RBM39: variants seen among roughly 807,000 people sequenced by gnomAD.
RBM39 encodes the protein RNA binding motif protein 39.
RBM39 carries 12 observed loss-of-function variants against 79.6 expected under a neutral mutation model. That is an observed-to-expected ratio of 0.15 (90% confidence interval 0.10 to 0.24). The LOEUF (loss-of-function observed/expected upper bound fraction) is 0.24. Ranked by LOEUF, RBM39 falls within the 10% of genes least tolerant of loss-of-function variation. RBM39 has a pLI of 1.00. For synonymous variants in RBM39, 185 were observed against 208.4 expected (o/e 0.89, Z 0.97); for missense variants, 243 against 653.4 (o/e 0.37, Z 6.85).
Position 35,703,810 on chromosome 20 carries a change from T to C in RBM39, c.*671A>G, listed in dbSNP as rs1209270677. 6.6e-6 allele frequency: 1 copy of C among 152,458 alleles called. No homozygotes were observed. Among genetic ancestry groups the C allele is most frequent in the African/African-American group, 2.4e-5 (1 of 41,460 alleles). 9.4% of individuals were successfully genotyped at this position (152,458 alleles called of 1,614,324 possible). ...ACCTATTTCTGCATTTCCTATTTCT[T>C]TCTCAGACTGCTTTGCCTACCAGAC... On this transcript the variant is annotated 3_prime_UTR_variant, in exon 17 of 17. Transcript: ENST00000253363.
At chr20:35,715,455 C>T (rs548908222) in intron 10 of RBM39, among the ~76,000 whole-genome samples, 13 of 152,066 alleles carry the variant, frequency 8.5e-5, no homozygotes, top group African/African-American at 2.4e-4. Context: ...GCATCACAGG[C>T]GTGAGCCACC....
At chr20:35,736,001 A>G (rs2039866118) in intron 3 of RBM39, among the ~76,000 whole-genome samples, 1 of 152,212 alleles carries the variant, frequency 6.6e-6, no homozygotes, top group Non-Finnish European at 1.5e-5. Context: ...AGATGACCTT[A>G]GTGGCAAAAA....
In RBM39 at chr20:35,721,817, T is replaced by A; in HGVS notation, c.748A>T (p.Met250Leu). Residue 250 changes from methionine to leucine, a missense_variant, in exon 9 of 17, where the codon ATG becomes TTG. By Grantham distance (15) the Met-to-Leu change is conservative (BLOSUM62 2). Coordinates refer to ENST00000253363, the MANE Select transcript of RBM39 (RefSeq NM_184234.3). The stretch of plus-strand genomic sequence containing the variant: ...TGTAATGAGCCCACATAAAGCCTCA[T>A]AGGTCCAGCACTTCCCTTTTGTAAA... ...NNLQKGSAGP[M>L]RLYVGSLHFN... 6.2e-7 allele frequency: 1 copy of A among 1,614,098 alleles called. No individual in the cohort carries two copies. Among genetic ancestry groups the A allele is most frequent in the Non-Finnish European group, 8.5e-7 (1 of 1,179,948 alleles).
At chr20:35,724,430 G>GT (rs2038396109) in intron 8 of RBM39, 140 bp downstream of exon 8, 5 of 691,734 alleles carry the variant, frequency 7.2e-6, no homozygotes, top group Middle Eastern at 4.5e-4. Flanking sequence ...TAAACGCAAA[G>GT]TTAAAAAAAA....
Position 35,702,695 on chromosome 20 carries a change from G to T in RBM39, c.*1786C>A, listed in dbSNP as rs2035341181. On this transcript the variant is annotated 3_prime_UTR_variant, in exon 17 of 17. Transcript: ENST00000253363. Reference sequence around the variant, plus strand: ...TCATGCCTGTAATCCCGGCACTTTGGGAGGCCAAGGCGGACAGATCACTTG... The same window carrying T: ...TCATGCCTGTAATCCCGGCACTTTGTGAGGCCAAGGCGGACAGATCACTTG... 1 of 152,298 alleles carries T rather than the reference G, an allele frequency of 6.6e-6. No individual in the cohort carries two copies. Among genetic ancestry groups the T allele is most frequent in the Admixed American group, 6.5e-5 (1 of 15,286 alleles). The allele number at this position is 152,298 out of a possible 1,614,324, so 9.4% of individuals were successfully genotyped here.
intron 3 of RBM39, chr20:35,735,170 T>G: frequency 7.3e-7 from 1 of 1,370,814 alleles, no homozygotes; most frequent in Non-Finnish European, 9.5e-7. Flanking sequence ...TTCAACTGTG[T>G]CATTTTAATG....
intron 3 of RBM39, chr20:35,735,162 C>G (rs1600627269): frequency 5.1e-6 from 7 of 1,381,352 alleles, no homozygotes; most frequent in Non-Finnish European, 5.6e-6. Flanking sequence ...CAATATATTT[C>G]AACTGTGTCA....
chr20:35,731,016 C>G (rs1294930540), intron 4 of RBM39, among the ~76,000 whole-genome samples: 1 of 152,142 alleles, frequency 6.6e-6, no homozygotes, highest in Non-Finnish European at 1.5e-5. Flanking sequence ...ATTCATTACT[C>G]ATTAATAGCT....
intron 10 of RBM39, 46 bp downstream of exon 10, chr20:35,716,694 T>TA (rs79003465): frequency 0.14 from 117,653 of 868,116 alleles, 60 homozygotes; most frequent in Non-Finnish European, 0.15. Context: ...AAATGTAGTT[T>TA]AAAAAAAAAA....
At chr20:35,704,821 G>T in intron 15 of RBM39, 75 bp from the exon 16 acceptor site, 1 of 1,341,156 alleles carries the variant, frequency 7.5e-7, no homozygotes. Context: ...TATTCAAGTT[G>T]CCTGTAGAAA....
rs2035365380 is a variant in RBM39, at chr20:35,703,187, A to T, written c.*1294T>A. 1 of 152,236 alleles carries T rather than the reference A, an allele frequency of 6.6e-6. No homozygotes were observed. The highest frequency in any genetic ancestry group is 2.1e-4 in the South Asian group (1 of 4,830). The allele number at this position is 152,236 out of a possible 1,614,324, so 9.4% of individuals were successfully genotyped here. A position where few individuals can be genotyped will look rare whatever the true frequency, so the allele number is the denominator to read the frequency against. On this transcript the variant is annotated 3_prime_UTR_variant, in exon 17 of 17. Transcript: ENST00000253363. ...AATGGTGACAGCTTGCTTCCCAACT[A>T]GTATGAAAGCTCAAAACCCCTTAAT...
At chr20:35,720,288 C>A (rs533750881) in intron 9 of RBM39, among the ~76,000 whole-genome samples, 1 of 152,252 alleles carries the variant, frequency 6.6e-6, no homozygotes, top group African/African-American at 2.4e-5. Flanking sequence ...GAACAAAAGC[C>A]AAGCTGCTCT....
At chr20:35,723,525 G>GCCT (rs1372455035) in intron 8 of RBM39, among the ~76,000 whole-genome samples, 3 of 152,246 alleles carry the variant, frequency 2.0e-5, no homozygotes, top group African/African-American at 7.2e-5. Context: ...TGCAACCTCT[G>GCCT]CCTCCTGGGT....
intron 6 of RBM39, among the ~76,000 whole-genome samples, chr20:35,728,378 T>C (rs2038992670): frequency 6.6e-6 from 1 of 152,240 alleles, no homozygotes; most frequent in Non-Finnish European, 1.5e-5. Flanking sequence ...TGTATACATG[T>C]ATCAAAACGT....
intron 13 of RBM39, chr20:35,707,941 G>A (rs927964535): frequency 8.6e-6 from 4 of 463,222 alleles, no homozygotes; most frequent in African/African-American, 4.0e-5. Flanking sequence ...AGAACTCACC[G>A]TAATCATATT....
rs1336995073 is a variant in RBM39, at chr20:35,703,141, AGTT to A, written c.*1337_*1339del. The A allele has an allele frequency of 6.6e-6, 1 of 152,218 alleles. No individual in the cohort carries two copies. Among genetic ancestry groups the A allele is most frequent in the African/African-American group, 2.4e-5 (1 of 41,466 alleles). The allele number at this position is 152,218 out of a possible 1,614,324, so 9.4% of individuals were successfully genotyped here. A position where few individuals can be genotyped will look rare whatever the true frequency, so the allele number is the denominator to read the frequency against. On this transcript the variant is annotated 3_prime_UTR_variant, in exon 17 of 17. Transcript: ENST00000253363. ...TCAAAAGATTTACCAAGAGATAAAC[AGTT>A]GAAGAGAATTGAGTATAAATGGTGA...
In RBM39 at chr20:35,724,733, AAC is replaced by A. The variant is rs757681753; in HGVS notation, c.535-13_535-12del. 33 of 1,612,750 alleles carry A rather than the reference AAC, an allele frequency of 2.0e-5. No homozygotes were observed. Among genetic ancestry groups the A allele is most frequent in the Non-Finnish European group, 2.3e-5 (27 of 1,179,014 alleles). ...CCTCACATCTCGAACCTAGAAAGAAAACACAGTTGTTTGTGCAAACATCCATT... is the reference window on the plus strand; with the variant it reads ...CCTCACATCTCGAACCTAGAAAGAAAACAGTTGTTTGTGCAAACATCCATT... On this transcript the variant is annotated splice_polypyrimidine_tract_variant and intron_variant, in intron 7 of 16. Transcript: ENST00000253363.
At chr20:35,717,944 T>C (rs1022100926) in intron 9 of RBM39, among the ~76,000 whole-genome samples, 9 of 152,228 alleles carry the variant, frequency 5.9e-5, no homozygotes, top group South Asian at 2.1e-4. Flanking sequence ...CTGCGAGCTC[T>C]GCCTCCCGGG....
At chr20:35,709,079 T>C in intron 13 of RBM39, 145 bp downstream of exon 13, 1 of 593,964 alleles carries the variant, frequency 1.7e-6, no homozygotes. Context: ...GACAGATTAC[T>C]ATGAATATAC....
Sources: gnomAD v4.1 joint callset for allele counts (sites outside exome capture counted in the v4.1 genomes callset) on GRCh38, gnomAD v4.1.1 for gene constraint, MANE v1.5 for transcripts, NCBI Gene and HGNC (gene_info 2026-07-23, HGNC 2026-07-21) for gene names.